Variants in SUN3 observed in about 807,000 individuals in gnomAD.
The protein encoded by SUN3 is SUN domain-containing protein 3.
SUN3 carries 36 observed loss-of-function variants against 48.2 expected under a neutral mutation model. That is an observed-to-expected ratio of 0.75 (90% CI 0.57 to 0.99). The LOEUF is 0.99. Ranked by LOEUF, SUN3 falls within the 50% of genes least tolerant of loss-of-function variation. The pLI, the probability that SUN3 is intolerant of heterozygous loss-of-function variation, is 0.00. For missense variants in SUN3, 419 were observed against 433.1 expected (o/e 0.97, Z 0.29); for synonymous variants, 148 against 147.9 (o/e 1.00, Z 0.00).
chr7:48,001,398 C>A (rs1353053622), intron 6 of SUN3, among the ~76,000 whole-genome samples: 1 of 152,130 alleles, frequency 6.6e-6, no homozygotes, highest in African/African-American at 2.4e-5. Flanking sequence ...CCATCCATGT[C>A]CCTGCAAAGG....
intron 1 of SUN3, among the ~76,000 whole-genome samples, chr7:48,026,813 A>G (rs1790148072): frequency 6.6e-6 from 1 of 152,150 alleles, no homozygotes; most frequent in Non-Finnish European, 1.5e-5. Context: ...GTGAGAAGGC[A>G]ATCCAGGAAG....
Position 48,012,869 on chromosome 7 carries a change from G to A in SUN3, c.289-3794C>T, listed in dbSNP as rs548267510. Among the ~76,000 whole-genome samples the A allele has an allele frequency of 2.0e-5, 3 of 152,342 alleles. No homozygotes were observed. The East Asian group carries it at 5.8e-4, about 29-fold the overall frequency. ...ATAGGATTAGTGCTTTTAATAAAAA[G>A]CTCGAAGGAAGTAGTTTAGGCCCTT... On this transcript the variant is annotated intron_variant, in intron 3 of 9. Transcript: ENST00000297325.
intron 1 of SUN3, among the ~76,000 whole-genome samples, chr7:48,026,774 AGTCAGAAGAAAG>A (rs1476002373): frequency 3.9e-5 from 6 of 152,172 alleles, no homozygotes; most frequent in African/African-American, 1.4e-4. Context: ...CTCTTTGTGC[AGTCAGAAGAAAG>A]GTCACATGGG....
At chr7:48,013,069 CTG>C (rs1311640559) in intron 3 of SUN3, among the ~76,000 whole-genome samples, 1 of 152,174 alleles carries the variant, frequency 6.6e-6, no homozygotes, top group Non-Finnish European at 1.5e-5. Context: ...TGGATTAAGA[CTG>C]TGCTGGTGAT....
At chr7:48,010,104 C>T (rs2128777912) in intron 3 of SUN3, among the ~76,000 whole-genome samples, 1 of 152,254 alleles carries the variant, frequency 6.6e-6, no homozygotes, top group Admixed American at 6.5e-5. Context: ...CACACACAAA[C>T]ACACACACTC....
upstream of SUN3, among the ~76,000 whole-genome samples, chr7:48,029,683 G>A (rs575830011): frequency 8.5e-5 from 13 of 152,220 alleles, no homozygotes; most frequent in East Asian, 1.9e-4. Flanking sequence ...CTCATTGCAC[G>A]TTGTTATATG....
At chr7:48,028,165 T>G (rs17132033) in intron 1 of SUN3, among the ~76,000 whole-genome samples, 14,013 of 152,002 alleles carry the variant, frequency 0.092, 2,142 homozygotes, top group African/African-American at 0.32. Context: ...ATTGACAGTT[T>G]TGTTCTGTGC....
At chr7:48,019,624 T>G (rs766398013) in intron 2 of SUN3, among the ~76,000 whole-genome samples, 2 of 151,736 alleles carry the variant, frequency 1.3e-5, no homozygotes, top group African/African-American at 2.4e-5. Flanking sequence ...CTGCACAAAT[T>G]TAAAGGATCA....
upstream of SUN3, among the ~76,000 whole-genome samples, chr7:48,030,818 A>C (rs1790245940): frequency 6.6e-6 from 1 of 152,246 alleles, no homozygotes; most frequent in Non-Finnish European, 1.5e-5. Context: ...ATTTTTCAAG[A>C]ATAAATCCGC....
At chr7:47,996,270 A>G (rs1789209361) in intron 6 of SUN3, 124 bp from the exon 7 acceptor site, 4 of 555,800 alleles carry the variant, frequency 7.2e-6, no homozygotes, top group Middle Eastern at 4.6e-4. Context: ...GGTAAAATTC[A>G]TACTCAGGAA....
intron 1 of SUN3, among the ~76,000 whole-genome samples, chr7:48,026,764 C>G (rs1214468733): frequency 6.6e-6 from 1 of 152,078 alleles, no homozygotes; most frequent in African/African-American, 2.4e-5. Context: ...AACTTTTTCT[C>G]TCTTTGTGCA....
At chr7:48,002,408 T>C (rs1040735366) in intron 6 of SUN3, among the ~76,000 whole-genome samples, 3 of 149,918 alleles carry the variant, frequency 2.0e-5, no homozygotes, top group Non-Finnish European at 4.4e-5. Context: ...TCCACCCGCC[T>C]CGGCCTCCCA....
chr7:48,021,561 GAA>G (rs56960345), intron 2 of SUN3, among the ~76,000 whole-genome samples: 12 of 99,680 alleles, frequency 1.2e-4, no homozygotes, highest in African/African-American at 2.6e-4. Context: ...ACTCTACAGA[GAA>G]AAAAAAAAAA....
intron 6 of SUN3, among the ~76,000 whole-genome samples, chr7:48,001,525 TTTTTTG>T (rs1789369281): frequency 3.4e-5 from 4 of 118,632 alleles, no homozygotes; most frequent in Non-Finnish European, 7.3e-5. Context: ...CTTTTCTGTT[TTTTTTG>T]TTTTTTTTTT....
chr7:48,033,065 A>G (rs1790274056), upstream of SUN3, among the ~76,000 whole-genome samples: 4 of 152,262 alleles, frequency 2.6e-5, no homozygotes, highest in South Asian at 8.3e-4. Flanking sequence ...TATATGTCAG[A>G]GAATGTTGGA....
chr7:47,987,421 A>G lies in SUN3; in HGVS notation c.983T>C (p.Val328Ala). ...CCAGTTGCTAAAGATATTAAGTTTC[A>G]CACATAATAAATATTCAGAAACTGC... is the stretch of plus-strand genomic sequence containing the variant. The part of the protein sequence containing the change: ...QHAVSEYLLC[V>A]KLNIFSNWGH... Residue 328 changes from valine to alanine, a missense_variant, in exon 10 of 10, where the codon GTG (valine) becomes GCG (alanine). Physicochemically the swap from Val to Ala is moderately conservative, Grantham distance 64. Coordinates refer to ENST00000297325, the MANE Select transcript of SUN3 (RefSeq NM_001030019.2). 1 of 1,589,430 alleles carries G rather than the reference A, an allele frequency of 6.3e-7. No homozygotes were observed.
chr7:48,008,189 G>A (rs1395750937), intron 4 of SUN3, among the ~76,000 whole-genome samples: 3 of 152,134 alleles, frequency 2.0e-5, no homozygotes, highest in African/African-American at 4.8e-5. Flanking sequence ...AATGTCAAGC[G>A]AATAGGTATT....
In SUN3 at chr7:48,017,364, T is replaced by A. The variant is rs757516082; in HGVS notation, c.186A>T (p.Gly62=). 5.1e-6 allele frequency: 8 copies of A among 1,568,152 alleles called. No homozygotes were observed. The East Asian group carries it at 1.8e-4, about 35-fold the overall frequency. ...CTTTAAGCCACTGATGATTTAGGAG[T>A]CCTGTTAAAGAAAAGACAAACTTTG... ...TMLTLTFLLV[G]LLNHQWLKET... is the part of the protein sequence containing the mutation. The change falls in exon 3 of 10, where the codon GGA becomes GGT. Residue 62 remains glycine, a splice_region_variant and synonymous_variant. Transcript: ENST00000297325.
intron 6 of SUN3, among the ~76,000 whole-genome samples, chr7:47,999,923 A>G (rs748553993): frequency 1.3e-5 from 2 of 152,194 alleles, no homozygotes; most frequent in Non-Finnish European, 2.9e-5. Context: ...CTAGCAGCTC[A>G]TAGTTTATTT....
Sources: allele counts gnomAD v4.1 joint callset (sites outside exome capture counted in the v4.1 genomes callset), GRCh38; gene constraint gnomAD v4.1.1; transcripts MANE v1.5; gene names NCBI Gene and HGNC (gene_info 2026-07-23, HGNC 2026-07-21).